Variants in TTC39A observed in about 807,000 individuals in gnomAD.
TTC39A encodes tetratricopeptide repeat protein 39A.
A neutral mutation model predicts 82.3 loss-of-function variants in TTC39A; 46 were observed. That is an observed-to-expected ratio of 0.56 (90% CI 0.44 to 0.71). The LOEUF (loss-of-function observed/expected upper bound fraction) is 0.71. Ranked by LOEUF, TTC39A falls within the 30% of genes least tolerant of loss-of-function variation. The probability of loss-of-function intolerance (pLI) is 0.00; values close to 1 mark genes in which losing one functional copy is unlikely to be tolerated. For missense variants in TTC39A, 543 were observed against 712.9 expected (o/e 0.76, Z 2.71); for synonymous variants, 254 against 275.2 (o/e 0.92, Z 0.76).
intron 11 of TTC39A, chr1:51,301,936 G>C: frequency 1.4e-6 from 1 of 695,894 alleles, no homozygotes; most frequent in Non-Finnish European, 2.4e-6. Context: ...ACATGACGTT[G>C]GGCTCAAATA....
rs775359786 is a variant in TTC39A, at chr1:51,290,620, C to A, written c.1272G>T (p.Met424Ile). 27 of 1,612,606 alleles carry A rather than the reference C, an allele frequency of 1.7e-5. No individual in the cohort carries two copies. The highest frequency in any genetic ancestry group is 2.3e-5 in the Non-Finnish European group (27 of 1,179,330). Residue 424 changes from methionine to isoleucine, a missense_variant, in exon 15 of 18, where the codon ATG (methionine) becomes ATT (isoleucine). By Grantham distance (10) the Met-to-Ile change is conservative (BLOSUM62 1). Coordinates refer to ENST00000680483, the MANE Select transcript of TTC39A (RefSeq NM_001297663.2). ...PISLPVPALE[M>I]MYIWNGYAVI... ...CGGCGTAGCCGTTCCAGATGTACATCATTTCCTGAAGGCAGGGGGGCAAGT... is the reference window on the plus strand; with the variant it reads ...CGGCGTAGCCGTTCCAGATGTACATAATTTCCTGAAGGCAGGGGGGCAAGT...
intron 13 of TTC39A, 172 bp downstream of exon 13, chr1:51,295,907 G>C (rs1328730010): frequency 1.5e-6 from 1 of 653,002 alleles, no homozygotes; most frequent in Admixed American, 2.3e-5. Context: ...GCAGCATGGG[G>C]TGGTGATGGG....
At chr1:51,334,467 C>A (rs989003412), upstream of TTC39A, among the ~76,000 whole-genome samples, 1 of 151,946 alleles carries the variant, frequency 6.6e-6, no homozygotes, top group East Asian at 1.9e-4. Flanking sequence ...CGCACTATTG[C>A]ACGCCAGCCT....
At chr1:51,312,509 C>T (rs376247526) in intron 3 of TTC39A, among the ~76,000 whole-genome samples, 6 of 152,238 alleles carry the variant, frequency 3.9e-5, no homozygotes, top group South Asian at 4.2e-4. Flanking sequence ...CCAACCTGTC[C>T]GACGTTTCGG....
At position 51,294,302 on chromosome 1, in the gene TTC39A, C is replaced by T. The variant is rs1644329343; in HGVS notation, c.1266+89G>A. The stretch of plus-strand genomic sequence containing the variant: ...GCCCCTGAGGCATGAAGGTCTTTCT[C>T]CTCATCCACCTCCCCCTGGCTGTGG... On this transcript the variant is annotated intron_variant, in intron 14 of 17. Transcript: ENST00000680483. This position sits in a 1 kb window ranked among gnomAD's most constrained non-coding sequence, Gnocchi z 4.3. 1.3e-6 allele frequency: 2 copies of T among 1,590,450 alleles called. No homozygotes were observed. The highest frequency in any genetic ancestry group is 2.7e-5 in the African/African-American group (2 of 74,628).
At chr1:51,333,085 G>A (rs1291283453), upstream of TTC39A, among the ~76,000 whole-genome samples, 2 of 151,960 alleles carry the variant, frequency 1.3e-5, no homozygotes, top group Admixed American at 6.6e-5. Flanking sequence ...GGTGGCGCAC[G>A]CCTGTAATCT....
At chr1:51,322,917 AT>A (rs1451885122) in intron 1 of TTC39A, among the ~76,000 whole-genome samples, 2 of 152,196 alleles carry the variant, frequency 1.3e-5, no homozygotes, top group African/African-American at 2.4e-5. Flanking sequence ...GCATCAGTAG[AT>A]CTTCCCAGGC....
chr1:51,343,505 A>G (rs1340190703), intron 1 of TTC39A, among the ~76,000 whole-genome samples: 1 of 152,154 alleles, frequency 6.6e-6, no homozygotes, highest in Non-Finnish European at 1.5e-5. Flanking sequence ...CCTGCCTGCA[A>G]TGCTTCAGCA....
At chr1:51,315,767 T>G (rs1645260397) in intron 2 of TTC39A, among the ~76,000 whole-genome samples, 1 of 152,212 alleles carries the variant, frequency 6.6e-6, no homozygotes, top group South Asian at 2.1e-4. Flanking sequence ...ACTGAGCCTT[T>G]GCACAGGCTG....
intron 2 of TTC39A, among the ~76,000 whole-genome samples, chr1:51,316,241 C>T (rs1319078779): frequency 6.6e-6 from 1 of 152,208 alleles, no homozygotes; most frequent in Non-Finnish European, 1.5e-5. Context: ...GGTGCCCAAC[C>T]ACCTCCATCC....
In TTC39A at chr1:51,330,505, C is replaced by A; in HGVS notation, c.-28G>T. On this transcript the variant is annotated 5_prime_UTR_variant, in exon 1 of 18. Coordinates refer to ENST00000680483, the MANE Select transcript of TTC39A (RefSeq NM_001297663.2). This position sits in a 1 kb window ranked among gnomAD's most constrained non-coding sequence, Gnocchi z 4.5. ...CCGAGGGGCGCGGGCGGCGCTGCCCCAGCCGGACGCCAATCGCGGCCCAGG... is the reference window on the plus strand; with the variant it reads ...CCGAGGGGCGCGGGCGGCGCTGCCCAAGCCGGACGCCAATCGCGGCCCAGG... The A allele has an allele frequency of 1.0e-6, 1 of 983,788 alleles. No individual in the cohort carries two copies. The highest frequency in any genetic ancestry group is 4.6e-5 in the South Asian group (1 of 21,906). 60.9% of individuals were successfully genotyped at this position (983,788 alleles called of 1,614,324 possible).
In TTC39A at chr1:51,330,269, C is replaced by T. The variant is rs1645856388; in HGVS notation, c.41+168G>A. The stretch of plus-strand genomic sequence containing the variant: ...CCGCCTCCTCACAGCCCCCTGCCCC[C>T]ACTCCTGGCAGCGGCGGCGGCTGCC... On this transcript the variant is annotated intron_variant, in intron 1 of 17. Coordinates refer to ENST00000680483, the MANE Select transcript of TTC39A (RefSeq NM_001297663.2). The surrounding 1 kb of genome is among the most constrained non-coding windows in gnomAD (Gnocchi z 4.5). The T allele has an allele frequency of 1.5e-5, 14 of 963,178 alleles. No individual in the cohort carries two copies. The highest frequency in any genetic ancestry group is 5.3e-4 in the Middle Eastern group (1 of 1,892). 59.7% of individuals were successfully genotyped at this position (963,178 alleles called of 1,614,324 possible).
chr1:51,326,614 T>G (rs1645721115), intron 1 of TTC39A, among the ~76,000 whole-genome samples: 1 of 152,208 alleles, frequency 6.6e-6, no homozygotes, highest in Non-Finnish European at 1.5e-5. Context: ...GCAGGCACCC[T>G]TATCTGTCTT....
intron 13 of TTC39A, 43 bp downstream of exon 13, chr1:51,296,036 G>A (rs1321410058): frequency 1.3e-6 from 2 of 1,544,508 alleles, no homozygotes; most frequent in East Asian, 2.4e-5. Context: ...CGGCCTACAC[G>A]GTGGGAGTGG....
At chr1:51,313,709 CCTT>C (rs1296885570) in intron 2 of TTC39A, among the ~76,000 whole-genome samples, 1 of 152,186 alleles carries the variant, frequency 6.6e-6, no homozygotes, top group Non-Finnish European at 1.5e-5. Flanking sequence ...ATTGCAATGC[CCTT>C]CTTCGGCCAG....
chr1:51,332,721 T>G (rs1645928700), upstream of TTC39A, among the ~76,000 whole-genome samples: 1 of 152,206 alleles, frequency 6.6e-6, no homozygotes, highest in Admixed American at 6.5e-5. Flanking sequence ...ATATTTTTAT[T>G]GTTAAGTACT....
chr1:51,343,922 G>T (rs1646066265), intron 1 of TTC39A, among the ~76,000 whole-genome samples: 1 of 152,210 alleles, frequency 6.6e-6, no homozygotes, highest in Non-Finnish European at 1.5e-5. Flanking sequence ...TGTTAAAGCA[G>T]AAAATGGCTT....
chr1:51,324,255 G>A (rs1233411914), intron 1 of TTC39A, among the ~76,000 whole-genome samples: 1 of 152,166 alleles, frequency 6.6e-6, no homozygotes, highest in Non-Finnish European at 1.5e-5. Context: ...TGAGGCTGTA[G>A]CCCTTGGAGG....
chr1:51,327,353 G>T (rs1192208009), intron 1 of TTC39A, among the ~76,000 whole-genome samples: 1 of 152,242 alleles, frequency 6.6e-6, no homozygotes, highest in Non-Finnish European at 1.5e-5. Flanking sequence ...TGTTGCTTTA[G>T]AAGTGATCTT....
Sources: allele counts gnomAD v4.1 joint callset (sites outside exome capture counted in the v4.1 genomes callset), GRCh38; gene constraint gnomAD v4.1.1; non-coding constraint Gnocchi (gnomAD v3.1); transcripts MANE v1.5; gene names NCBI Gene and HGNC (gene_info 2026-07-23, HGNC 2026-07-21).